Variants in NFIX observed in about 807,000 individuals in gnomAD.
NFIX encodes nuclear factor 1 X-type.
NFIX carries 2 observed loss-of-function variants against 53.3 expected under a neutral mutation model. That is an observed-to-expected ratio of 0.04 (90% CI 0.02 to 0.12). The LOEUF is 0.12. NFIX is among the 10% of genes least tolerant of loss of function. The probability of loss-of-function intolerance (pLI) is 1.00; values close to 1 mark genes in which losing one functional copy is unlikely to be tolerated. For synonymous variants in NFIX, 244 were observed against 289.0 expected (o/e 0.84, Z 1.58); for missense variants, 310 against 674.5 (o/e 0.46, Z 5.99).
At chr19:12,999,487 A>AACAC (rs111890375) in intron 1 of NFIX, among the ~76,000 whole-genome samples, 20 of 149,492 alleles carry the variant, frequency 1.3e-4, no homozygotes, top group East Asian at 6.0e-4. Flanking sequence ...TACCTTTTCA[A>AACAC]ACACACACAC....
At chr19:13,019,550 C>T (rs935772764) in intron 1 of NFIX, among the ~76,000 whole-genome samples, 4 of 152,108 alleles carry the variant, frequency 2.6e-5, no homozygotes, top group Non-Finnish European at 5.9e-5. Context: ...GGCACTCTCT[C>T]TCCAGGTTTG....
At chr19:13,047,364 C>T (rs2015056020) in intron 2 of NFIX, among the ~76,000 whole-genome samples, 2 of 151,998 alleles carry the variant, frequency 1.3e-5, no homozygotes, top group Admixed American at 1.3e-4. Flanking sequence ...AGTTTGATTT[C>T]AAAAACGTGG....
chr19:13,074,041 C>G lies in NFIX; in HGVS notation c.818+15C>G. 1 of 1,613,634 alleles carries G rather than the reference C, an allele frequency of 6.2e-7. No homozygotes were observed. The highest frequency in any genetic ancestry group is 8.5e-7 in the Non-Finnish European group (1 of 1,179,604). On this transcript the variant is annotated intron_variant, in intron 5 of 10. Transcript: ENST00000592199. ...CCTTCCACCAGGTAAGCCCAGTGGCCCTGCCTTTCCATCTTCTCTCCACTC... is the reference window on the plus strand; with the variant it reads ...CCTTCCACCAGGTAAGCCCAGTGGCGCTGCCTTTCCATCTTCTCTCCACTC...
rs1432134770 is a variant in NFIX at position 13,096,129 on chromosome 19, C to T, written c.*1480C>T. ...TCCCCTCCAGGGTGTGACTTGGCCC[C>T]TCTGGCTTGTCTTTCTGTGCCTTAC... On this transcript the variant is annotated 3_prime_UTR_variant, in exon 11 of 11. Coordinates refer to ENST00000592199, the MANE Select transcript of NFIX (RefSeq NM_001365902.3). The T allele has an allele frequency of 1.3e-5, 2 of 152,820 alleles. No individual in the cohort carries two copies. The highest frequency in any genetic ancestry group is 2.9e-5 in the Non-Finnish European group (2 of 68,216). The allele number at this position is 152,820 out of a possible 1,614,324, so 9.5% of individuals were successfully genotyped here. A position where few individuals can be genotyped will look rare whatever the true frequency, so the allele number is the denominator to read the frequency against.
chr19:13,060,982 C>T lies in NFIX; in HGVS notation c.560-12065C>T, dbSNP rs1186539517. Among the ~76,000 whole-genome samples the T allele has an allele frequency of 6.6e-6, 1 of 152,038 alleles. No homozygotes were observed. Among genetic ancestry groups the T allele is most frequent in the East Asian group, 1.9e-4 (1 of 5,194 alleles). ...TTATGGGGATGGGGTAGAGATCTTCCTTTTCAAGTGTTTACCAATTGCAGA... is the reference window on the plus strand; with the variant it reads ...TTATGGGGATGGGGTAGAGATCTTCTTTTTCAAGTGTTTACCAATTGCAGA... On this transcript the variant is annotated intron_variant, in intron 2 of 10. Transcript: ENST00000592199. The surrounding 1 kb of genome is among the most constrained non-coding windows in gnomAD (Gnocchi z 4.3).
intron 2 of NFIX, among the ~76,000 whole-genome samples, chr19:13,030,161 A>C (rs1157202197): frequency 6.6e-6 from 1 of 152,254 alleles, no homozygotes; most frequent in East Asian, 1.9e-4. Context: ...GCTGACAAAG[A>C]TCGCAGGGCC....
In NFIX at chr19:13,096,072, C is replaced by T. The variant is rs1275472708; in HGVS notation, c.*1423C>T. ...GTCCAGAGGGTCTTCAGAAGCCCCC[C>T]TGGGAGGGAGGGGAGGATGAGCACG... On this transcript the variant is annotated 3_prime_UTR_variant, in exon 11 of 11. Coordinates refer to ENST00000592199, the MANE Select transcript of NFIX (RefSeq NM_001365902.3). 1 of 152,550 alleles carries T rather than the reference C, an allele frequency of 6.6e-6. No individual in the cohort carries two copies. The highest frequency in any genetic ancestry group is 1.5e-5 in the Non-Finnish European group (1 of 68,084). The allele number at this position is 152,550 out of a possible 1,614,324, so 9.4% of individuals were successfully genotyped here.
In NFIX at chr19:13,051,172, G is replaced by T. The variant is rs1568294168; in HGVS notation, c.560-21875G>T. On this transcript the variant is annotated intron_variant, in intron 2 of 10. Transcript: ENST00000592199. This position sits in a 1 kb window ranked among gnomAD's most constrained non-coding sequence, Gnocchi z 5.1. The stretch of plus-strand genomic sequence containing the variant: ...TCTCATCGCTGAAGGTGTGGCTAAG[G>T]CTGTCCCACCAGGTGTTTGGGATGC... Among the ~76,000 whole-genome samples the T allele has an allele frequency of 6.6e-6, 1 of 152,188 alleles. No homozygotes were observed. Among genetic ancestry groups the T allele is most frequent in the Non-Finnish European group, 1.5e-5 (1 of 68,034 alleles).
chr19:13,057,296 T>TGGAGGGAGGGAAGCAGGCA (rs2015763799), intron 2 of NFIX, among the ~76,000 whole-genome samples: 1 of 152,124 alleles, frequency 6.6e-6, no homozygotes, highest in African/African-American at 2.4e-5. Flanking sequence ...CAGGAGTGCT[T>TGGAGGGAGGGAAGCAGGCA]GGAGGGAGGG....
chr19:13,083,554 T>G (rs2017595766), intron 8 of NFIX, among the ~76,000 whole-genome samples: 1 of 152,002 alleles, frequency 6.6e-6, no homozygotes, highest in Admixed American at 6.6e-5. Flanking sequence ...CCATAGTTTT[T>G]AAAAAAACGA....
chr19:13,000,038 G>A (rs1276814262), intron 1 of NFIX, among the ~76,000 whole-genome samples: 3 of 152,212 alleles, frequency 2.0e-5, no homozygotes, highest in Non-Finnish European at 4.4e-5. Flanking sequence ...CGGGAACAGG[G>A]TGCTCCAGTC....
rs1287270706 is a variant in NFIX at position 13,009,608 on chromosome 19, A to C, written c.27+13744A>C. Reference sequence around the variant, plus strand: ...TTCTAAGAAGCCCAGAGCAAGAAACAGGAGGAAGAGGCTTCCTGATTCCCC... The same window carrying C: ...TTCTAAGAAGCCCAGAGCAAGAAACCGGAGGAAGAGGCTTCCTGATTCCCC... On this transcript the variant is annotated intron_variant, in intron 1 of 10. Coordinates refer to ENST00000592199, the MANE Select transcript of NFIX (RefSeq NM_001365902.3). The surrounding 1 kb of genome is among the most constrained non-coding windows in gnomAD (Gnocchi z 4.7). Among the ~76,000 whole-genome samples the C allele has an allele frequency of 2.0e-5, 3 of 152,236 alleles. No individual in the cohort carries two copies. Among genetic ancestry groups the C allele is most frequent in the East Asian group, 3.8e-4 (2 of 5,196 alleles).
In NFIX at chr19:13,073,286, G is replaced by A. The variant is rs2016877676; in HGVS notation, c.623-136G>A. On this transcript the variant is annotated intron_variant, in intron 3 of 10. Coordinates refer to ENST00000592199, the MANE Select transcript of NFIX (RefSeq NM_001365902.3). The surrounding 1 kb of genome is among the most constrained non-coding windows in gnomAD (Gnocchi z 4.5). ...ACACCTAGAGGATCCCCCCTGTTCGGTGTAGACCTGAGGGCTAGCCTGGAG... is the reference window on the plus strand; with the variant it reads ...ACACCTAGAGGATCCCCCCTGTTCGATGTAGACCTGAGGGCTAGCCTGGAG... 5 of 933,754 alleles carry A rather than the reference G, an allele frequency of 5.4e-6. No individual in the cohort carries two copies. The highest frequency in any genetic ancestry group is 5.3e-5 in the South Asian group (4 of 75,608). 57.8% of individuals were successfully genotyped at this position (933,754 alleles called of 1,614,324 possible).
intron 10 of NFIX, among the ~76,000 whole-genome samples, chr19:13,092,794 T>C (rs1216252467): frequency 1.3e-5 from 2 of 152,232 alleles, no homozygotes; most frequent in Non-Finnish European, 2.9e-5. Flanking sequence ...AGGAGCTGGC[T>C]GCGGGCCGGT....
rs1262790912 is a variant in NFIX at position 13,079,761 on chromosome 19, A to G, written c.1078+1026A>G. 1.3e-5 allele frequency among the ~76,000 whole-genome samples: 2 copies of G among 152,198 alleles called. 1 individual carries two copies. The highest frequency in any genetic ancestry group is 1.3e-4 in the Admixed American group (2 of 15,280). ...CCACCTCAGCTTTTATGAACTCCAG[A>G]GAGAAGCCAAGTTTCCTCAGCCCCC... On this transcript the variant is annotated intron_variant, in intron 7 of 10. Coordinates refer to ENST00000592199, the MANE Select transcript of NFIX (RefSeq NM_001365902.3).
chr19:13,023,579 G>C (rs2145184599), intron 1 of NFIX, among the ~76,000 whole-genome samples: 1 of 151,174 alleles, frequency 6.6e-6, no homozygotes, highest in South Asian at 2.1e-4. Flanking sequence ...GTTGTTGGTT[G>C]TGGGGAGATG....
chr19:13,067,699 T>A lies in NFIX; in HGVS notation c.560-5348T>A, dbSNP rs971436662. Among the ~76,000 whole-genome samples, 1 of 152,154 alleles carries A rather than the reference T, an allele frequency of 6.6e-6. No individual in the cohort carries two copies. Among genetic ancestry groups the A allele is most frequent in the Non-Finnish European group, 1.5e-5 (1 of 68,044 alleles). ...GGCCCCTTTCACAGTACAAGTTTGT[T>A]TCGAGCAGGAGCTGAGGGCAGTGTT... On this transcript the variant is annotated intron_variant, in intron 2 of 10. Transcript: ENST00000592199. The surrounding 1 kb of genome is among the most constrained non-coding windows in gnomAD (Gnocchi z 4.2).
chr19:13,006,762 C>G lies in NFIX; in HGVS notation c.27+10898C>G, dbSNP rs985245415. Among the ~76,000 whole-genome samples, 41 of 152,364 alleles carry G rather than the reference C, an allele frequency of 2.7e-4. No individual in the cohort carries two copies. Among genetic ancestry groups the G allele is most frequent in the Non-Finnish European group, 5.1e-4 (35 of 68,022 alleles). ...CCAGGGCCCCAGATTCTCTCCACCC[C>G]CAAAGCTCCAGGCTTGAGAGCTCTG... On this transcript the variant is annotated intron_variant, in intron 1 of 10. Transcript: ENST00000592199. This position sits in a 1 kb window ranked among gnomAD's most constrained non-coding sequence, Gnocchi z 5.6.
chr19:13,004,035 A>G (rs1488482617), intron 1 of NFIX, among the ~76,000 whole-genome samples: 1 of 152,122 alleles, frequency 6.6e-6, no homozygotes, highest in Non-Finnish European at 1.5e-5. Flanking sequence ...TCGGCCTCCC[A>G]AGGTGCTGGG....
Sources: gnomAD v4.1 joint callset for allele counts (sites outside exome capture counted in the v4.1 genomes callset) on GRCh38, gnomAD v4.1.1 for gene constraint, Gnocchi (gnomAD v3.1) non-coding constraint, MANE v1.5 for transcripts, NCBI Gene and HGNC (gene_info 2026-07-23, HGNC 2026-07-21) for gene names.